The following TMEM267 variants were observed in gnomAD, a reference collection of about 807,000 sequenced individuals.
TMEM267 encodes transmembrane protein C5orf28.
TMEM267 carries 20 observed loss-of-function variants against 19.3 expected under a neutral mutation model. The ratio of observed to expected loss-of-function variants is 1.04; its 90% confidence interval spans 0.73 to 1.51. The LOEUF is 1.51. Among genes scored for constraint, TMEM267 ranks in the 40% most tolerant of loss-of-function variants. TMEM267 has a pLI of 0.00. For synonymous variants in TMEM267, 88 were observed against 90.3 expected, an observed-to-expected ratio of 0.97 and a Z score of 0.15; for missense variants, 242 against 261.9, an observed-to-expected ratio of 0.92 and a Z score of 0.52.
chr5:43,472,463 T>C (rs1022506763), intron 1 of TMEM267, among the ~76,000 whole-genome samples: 2 of 148,196 alleles, frequency 1.3e-5, no homozygotes, highest in African/African-American at 2.5e-5. Flanking sequence ...AGAAAGGAAA[T>C]CAGTATATCA....
At chr5:43,461,295 ACAT>A (rs1180782082) in intron 1 of TMEM267, among the ~76,000 whole-genome samples, 4 of 152,178 alleles carry the variant, frequency 2.6e-5, no homozygotes, top group Admixed American at 6.5e-5. Context: ...CACAGGTACT[ACAT>A]CAAGGGCCTT....
At chr5:43,467,141 T>A (rs1743779092) in intron 1 of TMEM267, among the ~76,000 whole-genome samples, 1 of 108,616 alleles carries the variant, frequency 9.2e-6, no homozygotes, top group African/African-American at 4.0e-5. Context: ...AGAGAGAGAC[T>A]CTGTCAAAAA....
At chr5:43,450,850 T>C (rs893891520) in intron 2 of TMEM267, among the ~76,000 whole-genome samples, 1 of 152,192 alleles carries the variant, frequency 6.6e-6, no homozygotes, top group Non-Finnish European at 1.5e-5. Flanking sequence ...TTTTGTTTTT[T>C]TGAGACAGAG....
rs376123201 is a variant in TMEM267, at chr5:43,446,986, C to T, written c.313-429G>A. Among the ~76,000 whole-genome samples the T allele has an allele frequency of 9.9e-4, 150 of 152,002 alleles. 4 individuals carry two copies. In the South Asian group the frequency reaches 0.029, roughly 29 times the overall value. The stretch of plus-strand genomic sequence containing the variant: ...AAAGAGGGAAATATTTTTGTTATAT[C>T]CATTTTATATTAGCTATAAACACTT... On this transcript the variant is annotated intron_variant, in intron 2 of 2. Transcript: ENST00000397080.
intron 1 of TMEM267, among the ~76,000 whole-genome samples, chr5:43,480,411 T>C (rs970985473): frequency 2.0e-5 from 3 of 152,100 alleles, no homozygotes; most frequent in African/African-American, 4.8e-5. Flanking sequence ...ACTCCTAGGC[T>C]CAAGCAATTC....
In TMEM267 at chr5:43,446,158, T is replaced by A; in HGVS notation, c.*64A>T. ...TAACTGTATTTTTAAAAATTAACTTTAATGTTGGCTACTCTTAATTATCAT... is the reference window on the plus strand; with the variant it reads ...TAACTGTATTTTTAAAAATTAACTTAAATGTTGGCTACTCTTAATTATCAT... On this transcript the variant is annotated 3_prime_UTR_variant, in exon 3 of 3. Coordinates refer to ENST00000397080, the MANE Select transcript of TMEM267 (RefSeq NM_022483.5). 1.0e-6 allele frequency: 1 copy of A among 993,450 alleles called. No homozygotes were observed. The highest frequency in any genetic ancestry group is 1.6e-5 in the South Asian group (1 of 61,558). 61.5% of individuals were successfully genotyped at this position (993,450 alleles called of 1,614,324 possible).
At chr5:43,461,656 CTT>C (rs898827953) in intron 1 of TMEM267, among the ~76,000 whole-genome samples, 44 of 152,252 alleles carry the variant, frequency 2.9e-4, no homozygotes, top group African/African-American at 1.1e-3. Context: ...TGGCAGTACT[CTT>C]TGTGACCTGG....
intron 1 of TMEM267, among the ~76,000 whole-genome samples, chr5:43,468,721 A>G (rs1241630251): frequency 6.6e-6 from 1 of 152,230 alleles, no homozygotes; most frequent in African/African-American, 2.4e-5. Context: ...TCTGCACTGC[A>G]GACCAAATCG....
At chr5:43,481,100 G>A (rs1314104988) in intron 1 of TMEM267, among the ~76,000 whole-genome samples, 7 of 147,508 alleles carry the variant, frequency 4.7e-5, no homozygotes, top group Non-Finnish European at 7.5e-5. Context: ...CACTGCGCCC[G>A]GCTTACTTTT....
intron 1 of TMEM267, among the ~76,000 whole-genome samples, chr5:43,472,618 G>C (rs780897805): frequency 2.2e-4 from 34 of 152,162 alleles, no homozygotes; most frequent in Admixed American, 2.6e-4. Flanking sequence ...CCATAAGAAA[G>C]AATGAGATCC....
chr5:43,466,878 G>A (rs1743753694), intron 1 of TMEM267, among the ~76,000 whole-genome samples: 1 of 152,144 alleles, frequency 6.6e-6, no homozygotes, highest in African/African-American at 2.4e-5. Flanking sequence ...GCCAGATGCA[G>A]TGGCTCATAC....
intron 1 of TMEM267, among the ~76,000 whole-genome samples, chr5:43,473,139 CAAAAAA>C (rs71610311): frequency 1.1e-4 from 9 of 84,508 alleles, no homozygotes; most frequent in African/African-American, 4.1e-4. Flanking sequence ...CTCCGTGTCA[CAAAAAA>C]AAAAAAAAAA....
intron 1 of TMEM267, among the ~76,000 whole-genome samples, chr5:43,467,146 CAA>C (rs70994698): frequency 0.053 from 2,559 of 48,714 alleles, 22 homozygotes; most frequent in African/African-American, 0.13. Context: ...GAGACTCTGT[CAA>C]AAAAAAAAAA....
At chr5:43,464,827 G>A (rs1311305080) in intron 1 of TMEM267, among the ~76,000 whole-genome samples, 8 of 152,074 alleles carry the variant, frequency 5.3e-5, no homozygotes, top group Admixed American at 6.6e-5. Flanking sequence ...AAAGACTTAA[G>A]TGTTAGACCA....
intron 1 of TMEM267, among the ~76,000 whole-genome samples, chr5:43,459,446 A>C (rs528315895): frequency 6.6e-6 from 1 of 152,336 alleles, no homozygotes; most frequent in Non-Finnish European, 1.5e-5. Context: ...TTGGGGCAAA[A>C]GAAAACATCA....
At chr5:43,448,227 G>A (rs1037351152) in intron 2 of TMEM267, among the ~76,000 whole-genome samples, 14 of 152,038 alleles carry the variant, frequency 9.2e-5, no homozygotes, top group Admixed American at 7.9e-4. Flanking sequence ...CTCTTTCCCT[G>A]CCTTCTCCTC....
At chr5:43,467,984 G>A (rs562926592) in intron 1 of TMEM267, among the ~76,000 whole-genome samples, 23 of 152,194 alleles carry the variant, frequency 1.5e-4, no homozygotes, top group African/African-American at 4.3e-4. Context: ...GTACCTGAGC[G>A]AGTTAGAAAA....
At chr5:43,483,981 A>T (rs1175887749), upstream of TMEM267, 1 of 152,196 alleles carries the variant, frequency 6.6e-6, no homozygotes, top group East Asian at 1.9e-4. Flanking sequence ...AAAGGAAGCG[A>T]CGCATGAGTT....
chr5:43,454,267 T>C (rs1742805904), intron 1 of TMEM267, among the ~76,000 whole-genome samples: 1 of 151,466 alleles, frequency 6.6e-6, no homozygotes, highest in African/African-American at 2.4e-5. Flanking sequence ...TCAAGGAGAA[T>C]TTCAGAAAGC....
Sources: allele counts gnomAD v4.1 joint callset (sites outside exome capture counted in the v4.1 genomes callset), GRCh38; gene constraint gnomAD v4.1.1; transcripts MANE v1.5; gene names NCBI Gene and HGNC (gene_info 2026-07-23, HGNC 2026-07-21).